The following ALMS1 variants were observed in gnomAD, a reference collection of about 807,000 sequenced individuals.
ALMS1 encodes ALMS1 centrosome and basal body associated protein, also known as centrosome-associated protein ALMS1.
A neutral mutation model predicts 352.2 loss-of-function variants in ALMS1; 271 were observed. That is an observed-to-expected ratio of 0.77 (90% CI 0.70 to 0.85). The LOEUF (loss-of-function observed/expected upper bound fraction) is 0.85. Ranked by LOEUF, ALMS1 falls within the 40% of genes least tolerant of loss-of-function variation. The pLI, the probability that ALMS1 is intolerant of heterozygous loss-of-function variation, is 0.00. For missense variants in ALMS1, 5,445 were observed against 4,870.7 expected, an observed-to-expected ratio of 1.12 and a Z score of -3.51; for synonymous variants, 1,865 against 1,761.2, an observed-to-expected ratio of 1.06 and a Z score of -1.48.
chr2:73,516,027 A>G (rs1673548329), intron 10 of ALMS1, among the ~76,000 whole-genome samples: 2 of 152,210 alleles, frequency 1.3e-5, no homozygotes, highest in Non-Finnish European at 2.9e-5. Flanking sequence ...AGAATGGGAC[A>G]AAATATTTGC....
chr2:73,474,790 A>G (rs1043715074), intron 9 of ALMS1, among the ~76,000 whole-genome samples: 14 of 152,136 alleles, frequency 9.2e-5, no homozygotes, highest in Non-Finnish European at 1.8e-4. Flanking sequence ...TAACATCTTT[A>G]TCTCAGTATA....
Position 73,449,234 on chromosome 2 carries a change from G to A in ALMS1, c.2707G>A (p.Ala903Thr). 1 of 1,614,058 alleles carries A rather than the reference G, an allele frequency of 6.2e-7. No individual in the cohort carries two copies. ...PGDQKTGIPS[A>T]PSSFYSHREK... ...TGATCAGAAGACTGGGATACCCTCA[G>A]CACCATCTAGTTTCTACTCACACAG... is the stretch of plus-strand genomic sequence containing the variant. Residue 903 changes from alanine (A) to threonine (T), a missense_variant, in exon 8 of 23, where the codon GCA becomes ACA. Transcript: ENST00000613296.
At chr2:73,386,215 G>C in intron 1 of ALMS1, 23 bp downstream of exon 1, 1 of 1,496,746 alleles carries the variant, frequency 6.7e-7, no homozygotes, top group Non-Finnish European at 8.9e-7. Context: ...GGGGAGGGGT[G>C]TGGAGCCGCG....
chr2:73,500,820 T>C (rs1308612993), intron 10 of ALMS1, among the ~76,000 whole-genome samples: 1 of 152,154 alleles, frequency 6.6e-6, no homozygotes, highest in African/African-American at 2.4e-5. Context: ...TCAATCTGCC[T>C]GCTTCTGTTA....
At chr2:73,535,500 C>T (rs960370133) in intron 12 of ALMS1, among the ~76,000 whole-genome samples, 1 of 152,118 alleles carries the variant, frequency 6.6e-6, no homozygotes, top group Non-Finnish European at 1.5e-5. Context: ...TATTTTCTGC[C>T]TTTTATTACA....
chr2:73,542,166 CA>C (rs1674199014), intron 12 of ALMS1, among the ~76,000 whole-genome samples: 1 of 152,186 alleles, frequency 6.6e-6, no homozygotes, highest in Non-Finnish European at 1.5e-5. Context: ...AAAGCTTACT[CA>C]CCATGATGAA....
In ALMS1 at chr2:73,461,568, C is replaced by T. The variant is rs369118197; in HGVS notation, c.7674+6273C>T. On this transcript the variant is annotated intron_variant, in intron 9 of 22. Transcript: ENST00000613296. ...GAGCGCCTCTCCTCCTCCAAAGGAA[C>T]GCAGCTCCTCAGCAGCAACGGAACA... Among the ~76,000 whole-genome samples, 32 of 152,304 alleles carry T rather than the reference C, an allele frequency of 2.1e-4. No homozygotes were observed. The East Asian group carries it at 3.1e-3, about 15-fold the overall frequency.
intron 10 of ALMS1, among the ~76,000 whole-genome samples, chr2:73,510,882 G>A (rs1188365919): frequency 6.6e-6 from 1 of 152,198 alleles, no homozygotes; most frequent in Non-Finnish European, 1.5e-5. Flanking sequence ...CCTGACTGGG[G>A]CTGCTGCCTT....
intron 9 of ALMS1, chr2:73,462,920 A>C (rs987771265): frequency 6.6e-6 from 1 of 152,102 alleles, no homozygotes. Context: ...TCTTAAATAT[A>C]TATGCACCCA....
chr2:73,429,956 CGA>C (rs1358195897), intron 6 of ALMS1, among the ~76,000 whole-genome samples: 1 of 152,002 alleles, frequency 6.6e-6, no homozygotes, highest in Non-Finnish European at 1.5e-5. Flanking sequence ...GGAAGATAAA[CGA>C]ATCTTGATTT....
chr2:73,408,576 T>C, intron 1 of ALMS1, 46 bp from the exon 2 acceptor site: 1 of 1,594,696 alleles, frequency 6.3e-7, no homozygotes, highest in African/African-American at 1.3e-5. Flanking sequence ...TGTATAATCA[T>C]AGTGATTGTG....
intron 1 of ALMS1, among the ~76,000 whole-genome samples, chr2:73,396,749 A>G (rs1359584353): frequency 1.3e-5 from 2 of 149,284 alleles, no homozygotes; most frequent in African/African-American, 2.5e-5. Context: ...GGTTCATGCC[A>G]TTCTTCTGCC....
intron 7 of ALMS1, among the ~76,000 whole-genome samples, chr2:73,441,610 ACTATTC>A (rs111395015): frequency 6.6e-6 from 1 of 150,880 alleles, no homozygotes; most frequent in South Asian, 2.1e-4. Context: ...TCTCCTTCCC[ACTATTC>A]CTATTCCTAT....
chr2:73,513,702 G>C (rs1673498853), intron 10 of ALMS1, among the ~76,000 whole-genome samples: 1 of 152,150 alleles, frequency 6.6e-6, no homozygotes, highest in African/African-American at 2.4e-5. Flanking sequence ...ACCTCATTCT[G>C]CTTGGGCTCT....
intron 11 of ALMS1, among the ~76,000 whole-genome samples, chr2:73,523,617 AT>A (rs1231012070): frequency 1.2e-4 from 18 of 152,160 alleles, no homozygotes; most frequent in Non-Finnish European, 5.9e-5. Flanking sequence ...AAATACAAAA[AT>A]TAGCCGGGCA....
At chr2:73,537,249 G>A (rs77371507) in intron 12 of ALMS1, among the ~76,000 whole-genome samples, 2,470 of 152,324 alleles carry the variant, frequency 0.016, 67 homozygotes, top group African/African-American at 0.056. Context: ...AAGCTTAAAA[G>A]TAACACCCGA....
intron 13 of ALMS1, among the ~76,000 whole-genome samples, chr2:73,556,090 T>C (rs890256238): frequency 6.6e-6 from 1 of 152,144 alleles, no homozygotes; most frequent in African/African-American, 2.4e-5. Flanking sequence ...CAAGAAACAT[T>C]ATATTTGTAA....
intron 21 of ALMS1, chr2:73,603,582 A>T: frequency 2.5e-6 from 1 of 393,584 alleles, no homozygotes; most frequent in Non-Finnish European, 4.8e-6. Context: ...ATTTTAGGCC[A>T]GGTACGGTGG....
At chr2:73,501,868 G>A (rs1234378158) in intron 10 of ALMS1, among the ~76,000 whole-genome samples, 1 of 152,018 alleles carries the variant, frequency 6.6e-6, no homozygotes, top group Non-Finnish European at 1.5e-5. Context: ...ATTGACATTT[G>A]AATTTTCAGT....
Sources: allele counts gnomAD v4.1 joint callset (sites outside exome capture counted in the v4.1 genomes callset), GRCh38; gene constraint gnomAD v4.1.1; transcripts MANE v1.5; gene names NCBI Gene and HGNC (gene_info 2026-07-23, HGNC 2026-07-21).